Variants in SPAG16 observed in about 807,000 individuals in gnomAD.
The protein encoded by SPAG16 is sperm-associated antigen 16 protein.
Under a neutral mutation model 80.4 loss-of-function variants are expected in SPAG16, and 86 were observed. That is an observed-to-expected ratio of 1.07 (90% confidence interval 0.90 to 1.28). SPAG16 has a LOEUF of 1.28. Ranked by LOEUF, SPAG16 falls within the 50% of genes most tolerant of loss-of-function variation. The pLI is 0.00. For synonymous variants in SPAG16, 294 were observed against 265.9 expected (o/e 1.11, Z -1.03); for missense variants, 870 against 765.3 (o/e 1.14, Z -1.61).
intron 13 of SPAG16, among the ~76,000 whole-genome samples, chr2:214,075,457 G>A (rs2125241112): frequency 6.6e-6 from 1 of 152,182 alleles, no homozygotes; most frequent in East Asian, 1.9e-4. Context: ...AGGGCATGAA[G>A]GAGGCTTCTG....
chr2:213,657,284 A>G (rs1223520638), intron 10 of SPAG16, among the ~76,000 whole-genome samples: 7 of 152,314 alleles, frequency 4.6e-5, no homozygotes, highest in South Asian at 2.1e-4. Context: ...AAGTCCTTCA[A>G]TGAAGGCACT....
At chr2:214,313,451 C>A (rs2125982343) in intron 15 of SPAG16, among the ~76,000 whole-genome samples, 1 of 152,194 alleles carries the variant, frequency 6.6e-6, no homozygotes, top group East Asian at 1.9e-4. Flanking sequence ...TATTTGGGAA[C>A]ATTTATCTAA....
In SPAG16 at chr2:213,933,659, T is replaced by C. The variant is rs957999296; in HGVS notation, c.1400+3514T>C. 5.9e-5 allele frequency among the ~76,000 whole-genome samples: 9 copies of C among 152,172 alleles called. No individual in the cohort carries two copies. In the East Asian group the frequency reaches 9.6e-4, roughly 16 times the overall value. ...ATTGGGTGGTTTGTACCAAGGATAG[T>C]AGGAAACAGAGGGACTTGCAAAATT... is the stretch of plus-strand genomic sequence containing the variant. On this transcript the variant is annotated intron_variant, in intron 12 of 15. Coordinates refer to ENST00000331683, the MANE Select transcript of SPAG16 (RefSeq NM_024532.5).
intron 10 of SPAG16, among the ~76,000 whole-genome samples, chr2:213,756,738 A>G (rs2068358373): frequency 6.7e-6 from 1 of 149,230 alleles, no homozygotes; most frequent in Non-Finnish European, 1.5e-5. Flanking sequence ...GTGGGTATGC[A>G]TGTGTATTTA....
chr2:213,359,940 C>A (rs76059006), intron 7 of SPAG16, among the ~76,000 whole-genome samples: 9,070 of 152,124 alleles, frequency 0.06, 898 homozygotes, highest in African/African-American at 0.21. Context: ...GAGCTAATTT[C>A]TTGATATCTA....
intron 15 of SPAG16, among the ~76,000 whole-genome samples, chr2:214,173,746 A>G: frequency 6.6e-6 from 1 of 151,952 alleles, no homozygotes; most frequent in Non-Finnish European, 1.5e-5. Flanking sequence ...TCATCCTGAT[A>G]CCAAAGCCAG....
At chr2:214,204,809 C>T (rs565740029) in intron 15 of SPAG16, among the ~76,000 whole-genome samples, 1 of 152,166 alleles carries the variant, frequency 6.6e-6, no homozygotes. Flanking sequence ...ACCAGCTCAC[C>T]AGTAATGGAT....
At chr2:213,749,393 C>G (rs1446660513) in intron 10 of SPAG16, among the ~76,000 whole-genome samples, 3 of 152,070 alleles carry the variant, frequency 2.0e-5, no homozygotes, top group Non-Finnish European at 4.4e-5. Flanking sequence ...TATCAGTTAT[C>G]CAAACAAGCT....
intron 10 of SPAG16, among the ~76,000 whole-genome samples, chr2:213,821,843 G>A (rs1347342573): frequency 6.6e-6 from 1 of 152,106 alleles, no homozygotes; most frequent in Non-Finnish European, 1.5e-5. Flanking sequence ...TTAACATAAT[G>A]ACATCTGGGT....
At chr2:213,377,893 ATATATATATATT>A (rs375734935) in intron 9 of SPAG16, among the ~76,000 whole-genome samples, 23,691 of 81,128 alleles carry the variant, frequency 0.29, 2,372 homozygotes, top group East Asian at 0.47. Context: ...ATATATATAT[ATATATATATATT>A]TTTTTTTTTT....
At chr2:214,107,398 A>C (rs1044421383) in intron 13 of SPAG16, among the ~76,000 whole-genome samples, 8 of 152,144 alleles carry the variant, frequency 5.3e-5, no homozygotes, top group African/African-American at 1.9e-4. Flanking sequence ...AAGACTCTCC[A>C]AGCAATAGTC....
intron 10 of SPAG16, among the ~76,000 whole-genome samples, chr2:213,589,907 A>G (rs1312737764): frequency 7.1e-6 from 1 of 140,396 alleles, no homozygotes; most frequent in Non-Finnish European, 1.6e-5. Context: ...GGGCAACAGA[A>G]CGAAACTCCA....
At chr2:214,193,676 G>A (rs1330850859) in intron 15 of SPAG16, among the ~76,000 whole-genome samples, 1 of 151,982 alleles carries the variant, frequency 6.6e-6, no homozygotes, top group Non-Finnish European at 1.5e-5. Flanking sequence ...TCAAGTTGCT[G>A]ACAAAAGGGA....
intron 15 of SPAG16, among the ~76,000 whole-genome samples, chr2:214,309,475 T>C (rs1044505684): frequency 6.6e-6 from 1 of 152,202 alleles, no homozygotes; most frequent in African/African-American, 2.4e-5. Context: ...CTCTGACTTT[T>C]TGAGTTTTTA....
chr2:213,290,426 A>G (rs960389806), intron 1 of SPAG16, among the ~76,000 whole-genome samples: 2 of 152,212 alleles, frequency 1.3e-5, no homozygotes, highest in African/African-American at 4.8e-5. Flanking sequence ...AGAACAATCT[A>G]GAAAACAAGG....
At chr2:213,549,694 C>T (rs1351236670) in intron 10 of SPAG16, among the ~76,000 whole-genome samples, 2 of 152,164 alleles carry the variant, frequency 1.3e-5, no homozygotes, top group African/African-American at 2.4e-5. Flanking sequence ...ACTTGAAAGG[C>T]TTCTTACCTT....
Position 213,862,511 on chromosome 2 carries a change from T to G in SPAG16, c.1097T>G (p.Ile366Ser), listed in dbSNP as rs1170547906. 2 of 1,614,006 alleles carry G rather than the reference T, an allele frequency of 1.2e-6. No individual in the cohort carries two copies. The highest frequency in any genetic ancestry group is 1.7e-6 in the Non-Finnish European group (2 of 1,179,988). The change falls in exon 11 of 16, where the codon ATC becomes AGC. Residue 366 changes from isoleucine to serine, a missense_variant. Physicochemically the swap from Ile to Ser is moderately radical, Grantham distance 142 (BLOSUM62 -2). Transcript: ENST00000331683. The stretch of plus-strand genomic sequence containing the variant: ...GTCTCCATGCAACCCCACAAAGACA[T>G]CCTAGTCTCCTGTGGCGAGGACCGA... ...SCVSMQPHKD[I>S]LVSCGEDRLW... is the part of the protein sequence containing the mutation.
At chr2:213,501,377 G>T (rs1449971124) in intron 10 of SPAG16, among the ~76,000 whole-genome samples, 1 of 152,144 alleles carries the variant, frequency 6.6e-6, no homozygotes, top group Non-Finnish European at 1.5e-5. Flanking sequence ...TCTAGGAATA[G>T]AAAGAATTTA....
At chr2:214,353,307 A>C (rs1698549581) in intron 15 of SPAG16, among the ~76,000 whole-genome samples, 1 of 152,126 alleles carries the variant, frequency 6.6e-6, no homozygotes. Flanking sequence ...AAAAATCGAC[A>C]GTGATTTCCT....
Sources: gnomAD v4.1 joint callset for allele counts (sites outside exome capture counted in the v4.1 genomes callset) on GRCh38, gnomAD v4.1.1 for gene constraint, MANE v1.5 for transcripts, NCBI Gene and HGNC (gene_info 2026-07-23, HGNC 2026-07-21) for gene names.